The following SGCD variants were observed in gnomAD, a reference collection of about 807,000 sequenced individuals.
SGCD encodes delta-sarcoglycan.
SGCD carries 18 observed loss-of-function variants against 36.6 expected under a neutral mutation model. The ratio of observed to expected loss-of-function variants is 0.49; its 90% confidence interval spans 0.34 to 0.73. The LOEUF (loss-of-function observed/expected upper bound fraction) is 0.73, where lower values mean the gene tolerates loss of function less well. Among genes scored for constraint, SGCD ranks in the 30% least tolerant of loss-of-function variants. SGCD has a pLI of 0.01. For missense variants in SGCD, 387 were observed against 346.7 expected (o/e 1.12, Z -0.92); for synonymous variants, 133 against 130.6 (o/e 1.02, Z -0.12).
intron 3 of SGCD, among the ~76,000 whole-genome samples, chr5:156,291,553 T>C (rs1037070888): frequency 6.6e-6 from 1 of 152,142 alleles, no homozygotes; most frequent in African/African-American, 2.4e-5. Flanking sequence ...TATCCCGTAC[T>C]TGTCTATTTG....
intron 7 of SGCD, among the ~76,000 whole-genome samples, chr5:156,701,226 C>T (rs564741936): frequency 3.2e-4 from 49 of 152,306 alleles, no homozygotes; most frequent in Admixed American, 1.4e-3. Context: ...GCCTGATTTG[C>T]TACTGTCTTT....
chr5:155,731,177 A>G, the SGCD span, among the ~76,000 whole-genome samples: 1 of 152,124 alleles, frequency 6.6e-6, no homozygotes, highest in South Asian at 2.1e-4. Context: ...AGAGACACAC[A>G]GAGATAGAAA....
chr5:156,638,898 G>T (rs571179697), intron 6 of SGCD, among the ~76,000 whole-genome samples: 2 of 152,072 alleles, frequency 1.3e-5, no homozygotes, highest in South Asian at 2.1e-4. Context: ...TGATGGTATT[G>T]CCAGTTCAGT....
chr5:156,058,899 G>A (rs1013487402), intron 1 of SGCD, among the ~76,000 whole-genome samples: 3 of 145,508 alleles, frequency 2.1e-5, no homozygotes, highest in Non-Finnish European at 4.6e-5. Context: ...AATGATGGGT[G>A]TATTGGATCT....
At chr5:156,223,531 G>A (rs1561572483) in intron 3 of SGCD, among the ~76,000 whole-genome samples, 1 of 152,088 alleles carries the variant, frequency 6.6e-6, no homozygotes, top group African/African-American at 2.4e-5. Context: ...GGGTGTAGAA[G>A]TTGTTAGGGC....
chr5:156,610,006 C>T (rs1311344327), intron 6 of SGCD, among the ~76,000 whole-genome samples: 1 of 152,178 alleles, frequency 6.6e-6, no homozygotes, highest in Non-Finnish European at 1.5e-5. Flanking sequence ...TGCTTTAGCT[C>T]AGAGTAGTTT....
the SGCD span, among the ~76,000 whole-genome samples, chr5:155,825,740 TTG>T: frequency 1.9e-3 from 230 of 122,874 alleles, 1 homozygote; most frequent in South Asian, 5.5e-3. Context: ...TTTTTTTTTT[TTG>T]TTGTTGTTGT....
At chr5:156,672,794 C>T (rs377495361) in intron 7 of SGCD, among the ~76,000 whole-genome samples, 23 of 152,234 alleles carry the variant, frequency 1.5e-4, no homozygotes, top group African/African-American at 5.3e-4. Context: ...GTCCTCTGTC[C>T]CCTGTCCGTA....
chr5:155,886,241 G>C (rs1755995194), intron 1 of SGCD, among the ~76,000 whole-genome samples: 1 of 152,308 alleles, frequency 6.6e-6, no homozygotes, highest in African/African-American at 2.4e-5. Context: ...AGTACGTGCA[G>C]TTAGGTCTTA....
intron 1 of SGCD, among the ~76,000 whole-genome samples, chr5:156,073,120 A>G (rs1760638477): frequency 1.3e-5 from 2 of 152,160 alleles, no homozygotes; most frequent in South Asian, 2.1e-4. Flanking sequence ...TGAAGAGAAT[A>G]TGGCCATTAT....
At chr5:156,335,862 T>C (rs1037742117) in intron 2 of SGCD, among the ~76,000 whole-genome samples, 3 of 152,138 alleles carry the variant, frequency 2.0e-5, no homozygotes, top group South Asian at 2.1e-4. Flanking sequence ...CACCCACCTG[T>C]CTATAGGCCT....
At chr5:155,920,747 C>T (rs1369046845) in intron 1 of SGCD, among the ~76,000 whole-genome samples, 2 of 152,086 alleles carry the variant, frequency 1.3e-5, no homozygotes, top group Non-Finnish European at 2.9e-5. Context: ...TTGGATGGTG[C>T]AGTCATCAGA....
At chr5:156,278,764 T>C (rs747261757) in intron 3 of SGCD, among the ~76,000 whole-genome samples, 16 of 152,226 alleles carry the variant, frequency 1.1e-4, no homozygotes, top group Admixed American at 6.5e-5. Flanking sequence ...TTTCAAATGT[T>C]ATCAATGCTA....
At chr5:155,754,743 C>A in the SGCD span, among the ~76,000 whole-genome samples, 3 of 152,122 alleles carry the variant, frequency 2.0e-5, no homozygotes, top group African/African-American at 7.2e-5. Flanking sequence ...GTTTTTCTAG[C>A]CTTAATTTAT....
At chr5:156,415,382 C>A (rs534833884) in intron 3 of SGCD, among the ~76,000 whole-genome samples, 1 of 152,218 alleles carries the variant, frequency 6.6e-6, no homozygotes, top group South Asian at 2.1e-4. Context: ...GAGAGGTTAT[C>A]TAAAAGTCTA....
chr5:156,482,467 C>A (rs143934503), intron 3 of SGCD, among the ~76,000 whole-genome samples: 27 of 152,236 alleles, frequency 1.8e-4, no homozygotes, highest in African/African-American at 5.1e-4. Flanking sequence ...ACTATAACTT[C>A]GTTTTTTTCT....
intron 1 of SGCD, among the ~76,000 whole-genome samples, chr5:156,072,777 G>A (rs1434908939): frequency 2.6e-5 from 4 of 152,142 alleles, no homozygotes; most frequent in South Asian, 2.1e-4. Flanking sequence ...CCAATCAGAC[G>A]TAGATTTGGT....
chr5:156,110,907 T>C lies in SGCD; in HGVS notation c.-281-6971T>C, dbSNP rs574197186. 2.8e-4 allele frequency among the ~76,000 whole-genome samples: 42 copies of C among 152,298 alleles called. No individual in the cohort carries two copies. The East Asian group carries it at 4.6e-3, about 17-fold the overall frequency. ...GTTTAGTATCCAGACTGCCAACTTA[T>C]ATAAATTGTGAGGGTAAATGTGTTG... On this transcript the variant is annotated intron_variant, in intron 1 of 9. Transcript: ENST00000517913.
Position 156,061,388 on chromosome 5 carries a change from A to G in SGCD, c.-281-56490A>G, listed in dbSNP as rs572943109. ...GTTAGGTCTCATGTCTAATTCCTATAGGCTCCCTTCATGGTTTCTTACCAT... is the reference window on the plus strand; with the variant it reads ...GTTAGGTCTCATGTCTAATTCCTATGGGCTCCCTTCATGGTTTCTTACCAT... On this transcript the variant is annotated intron_variant, in intron 1 of 9. Coordinates refer to the SGCD transcript ENST00000517913. 6.3e-4 allele frequency among the ~76,000 whole-genome samples: 92 copies of G among 146,246 alleles called. 5 individuals carry two copies. The highest frequency in any genetic ancestry group is 2.2e-3 in the African/African-American group (89 of 40,738).
Sources: gnomAD v4.1 joint callset for allele counts (sites outside exome capture counted in the v4.1 genomes callset) on GRCh38, gnomAD v4.1.1 for gene constraint, MANE v1.5 for transcripts, NCBI Gene and HGNC (gene_info 2026-07-23, HGNC 2026-07-21) for gene names.